The following FLI1 variants were observed in gnomAD, a reference collection of about 807,000 sequenced individuals.
FLI1 encodes Fli-1 proto-oncogene, ETS transcription factor, also known as Friend leukemia integration 1 transcription factor.
In FLI1, 13 loss-of-function variants were observed where a neutral mutation model predicts 53.1. The ratio of observed to expected loss-of-function variants is 0.24; its 90% CI spans 0.16 to 0.39. The LOEUF (loss-of-function observed/expected upper bound fraction) is 0.39, where lower values mean the gene tolerates loss of function less well. FLI1 is among the 10% of genes least tolerant of loss of function. The pLI, the probability that FLI1 is intolerant of heterozygous loss-of-function variation, is 1.00. For missense variants in FLI1, 424 were observed against 600.5 expected (o/e 0.71, Z 3.07); for synonymous variants, 244 against 236.7 (o/e 1.03, Z -0.28).
At chr11:128,781,880 C>T (rs1941925758) in intron 4 of FLI1, 78 bp from the exon 5 acceptor site, 1 of 1,125,562 alleles carries the variant, frequency 8.9e-7, no homozygotes, top group Admixed American at 1.7e-5. Flanking sequence ...TCCCTTTCTA[C>T]TCCCTCCTCA....
intron 1 of FLI1, among the ~76,000 whole-genome samples, chr11:128,757,045 TTTCTTTCTTTC>T (rs1451100699): frequency 0.035 from 548 of 15,654 alleles, 6 homozygotes; most frequent in African/African-American, 0.098. Context: ...TAGCTAATTT[TTTCTTTCTTTC>T]TTTCTTTCTT....
chr11:128,793,238 T>C (rs977111218), intron 5 of FLI1, among the ~76,000 whole-genome samples: 1 of 151,974 alleles, frequency 6.6e-6, no homozygotes, highest in African/African-American at 2.4e-5. Context: ...TCATGGGTAA[T>C]CCTCTGCCTC....
At chr11:128,697,981 G>A (rs11221439) in intron 1 of FLI1, among the ~76,000 whole-genome samples, 29,889 of 152,018 alleles carry the variant, frequency 0.2, 3,100 homozygotes, top group Middle Eastern at 0.3. Context: ...ATGGTGAGGA[G>A]AAGCGTGTCT....
chr11:128,752,962 CA>C (rs1214327455), intron 1 of FLI1, among the ~76,000 whole-genome samples: 1 of 152,184 alleles, frequency 6.6e-6, no homozygotes, highest in East Asian at 1.9e-4. Flanking sequence ...TCGTGGAAAG[CA>C]AGCATTTCTA....
At chr11:128,701,650 A>T (rs1015823621) in intron 1 of FLI1, among the ~76,000 whole-genome samples, 2 of 152,242 alleles carry the variant, frequency 1.3e-5, no homozygotes, top group African/African-American at 4.8e-5. Flanking sequence ...TTAGTTTAAG[A>T]TCAAAATCTC....
intron 1 of FLI1, among the ~76,000 whole-genome samples, chr11:128,712,876 C>T (rs1301320514): frequency 6.6e-6 from 1 of 152,126 alleles, no homozygotes. Context: ...TACTTCTCAC[C>T]CATGGATAAT....
chr11:128,691,043 G>A (rs902370390), upstream of FLI1, among the ~76,000 whole-genome samples: 18 of 152,180 alleles, frequency 1.2e-4, no homozygotes, highest in Admixed American at 2.6e-4. Context: ...GAGAAGAGAG[G>A]AGGGAGAGGA....
intron 4 of FLI1, among the ~76,000 whole-genome samples, chr11:128,780,505 G>C (rs758559522): frequency 2.0e-5 from 3 of 152,230 alleles, no homozygotes; most frequent in African/African-American, 7.2e-5. Flanking sequence ...TGAGGCAGGA[G>C]AATCACTTGA....
chr11:128,699,345 G>A (rs1451901036), intron 1 of FLI1, among the ~76,000 whole-genome samples: 6 of 152,186 alleles, frequency 3.9e-5, no homozygotes, highest in Admixed American at 2.0e-4. Flanking sequence ...AAAGAGTTGG[G>A]AAAATTTTTA....
intron 5 of FLI1, among the ~76,000 whole-genome samples, chr11:128,799,020 A>ATAT (rs751738832): frequency 0.017 from 2,323 of 139,362 alleles, 55 homozygotes; most frequent in East Asian, 0.049. Flanking sequence ...TTATTTTATT[A>ATAT]TATTATTATT....
At chr11:128,716,796 G>T (rs1281624986) in intron 1 of FLI1, among the ~76,000 whole-genome samples, 1 of 152,138 alleles carries the variant, frequency 6.6e-6, no homozygotes, top group Non-Finnish European at 1.5e-5. Context: ...GAGTGGGTGT[G>T]ACCGCCAGTT....
chr11:128,696,927 C>G (rs1406689858), intron 1 of FLI1, among the ~76,000 whole-genome samples: 1 of 152,198 alleles, frequency 6.6e-6, no homozygotes, highest in Non-Finnish European at 1.5e-5. Flanking sequence ...TTGCACAACT[C>G]TATGTGATTA....
chr11:128,793,073 G>A (rs996407732), intron 5 of FLI1, among the ~76,000 whole-genome samples: 7 of 152,126 alleles, frequency 4.6e-5, no homozygotes, highest in Admixed American at 3.3e-4. Flanking sequence ...AGCCGGGATT[G>A]CACCACTGCA....
intron 1 of FLI1, among the ~76,000 whole-genome samples, chr11:128,703,382 A>C (rs1276113448): frequency 6.6e-6 from 1 of 152,228 alleles, no homozygotes; most frequent in Non-Finnish European, 1.5e-5. Context: ...TTACAGCAAA[A>C]GTTGGAAATA....
At chr11:128,733,088 A>G (rs1256651593) in intron 1 of FLI1, among the ~76,000 whole-genome samples, 4 of 152,240 alleles carry the variant, frequency 2.6e-5, no homozygotes, top group Admixed American at 6.5e-5. Context: ...CAGAGCCTTG[A>G]ATATACTAAT....
upstream of FLI1, among the ~76,000 whole-genome samples, chr11:128,692,335 G>A (rs1937777061): frequency 6.6e-6 from 1 of 152,282 alleles, no homozygotes; most frequent in African/African-American, 2.4e-5. Context: ...CCCCGCTAGC[G>A]GTAACCAGAT....
At position 128,719,356 on chromosome 11, in the gene FLI1, C is replaced by CGTGTGTGTGTGTGTGTGT. The variant is rs56336914; in HGVS notation, c.18+25103_18+25120dup. 7.0e-4 allele frequency among the ~76,000 whole-genome samples: 102 copies of CGTGTGTGTGTGTGTGTGT among 145,298 alleles called. 1 individual carries two copies. Among genetic ancestry groups the CGTGTGTGTGTGTGTGTGT allele is most frequent in the Non-Finnish European group, 1.2e-3 (82 of 66,756 alleles). On this transcript the variant is annotated intron_variant, in intron 1 of 8. Coordinates refer to ENST00000527786, the MANE Select transcript of FLI1 (RefSeq NM_002017.5). ...GTGTGTACTCTTTCTCCCCTTTTCCCGTGTGTGTGTGTGTGTGTGTGTGTG... is the reference window on the plus strand; with the variant it reads ...GTGTGTACTCTTTCTCCCCTTTTCCCGTGTGTGTGTGTGTGTGTGTGTGTGTGTGTGTGTGTGTGTGTG...
upstream of FLI1, chr11:128,693,888 G>A (rs1406749598): frequency 1.4e-4 from 37 of 259,496 alleles, no homozygotes; most frequent in Admixed American, 4.4e-4. Flanking sequence ...GTGTGGGGGG[G>A]GAGGGAAGAC....
At position 128,772,383 on chromosome 11, in the gene FLI1, G is replaced by A. The variant is rs189484528; in HGVS notation, c.386-399G>A. Among the ~76,000 whole-genome samples the A allele has an allele frequency of 4.1e-3, 623 of 152,312 alleles. 3 individuals are homozygous for A. Among genetic ancestry groups the A allele is most frequent in the African/African-American group, 0.014 (570 of 41,566 alleles). ...GTTTCTTTTCTACAGCCATCTGAGG[G>A]ATCCGTGTTCTTTCATGAAATCATT... On this transcript the variant is annotated intron_variant, in intron 3 of 8. Transcript: ENST00000527786.
Sources: allele counts gnomAD v4.1 joint callset (sites outside exome capture counted in the v4.1 genomes callset), GRCh38; gene constraint gnomAD v4.1.1; transcripts MANE v1.5; gene names NCBI Gene and HGNC (gene_info 2026-07-23, HGNC 2026-07-21).